The following DGKB variants were observed in gnomAD, a reference collection of about 807,000 sequenced individuals.
The protein encoded by DGKB is diacylglycerol kinase beta, also known as 90 kDa diacylglycerol kinase.
A neutral mutation model predicts 114.3 loss-of-function variants in DGKB; 67 were observed. The ratio of observed to expected loss-of-function variants is 0.59; its 90% CI spans 0.48 to 0.72. The LOEUF (loss-of-function observed/expected upper bound fraction) is 0.72, where lower values mean the gene tolerates loss of function less well. DGKB is among the 30% of genes least tolerant of loss of function. The pLI is 0.00. For synonymous variants in DGKB, 398 were observed against 323.1 expected, an observed-to-expected ratio of 1.23 and a Z score of -2.49; for missense variants, 907 against 975.2, an observed-to-expected ratio of 0.93 and a Z score of 0.93.
At chr7:14,819,944 T>C (rs1844680503) in intron 2 of DGKB, among the ~76,000 whole-genome samples, 1 of 151,462 alleles carries the variant, frequency 6.6e-6, no homozygotes, top group East Asian at 1.9e-4. Context: ...TTCAGAGAGG[T>C]TTTTTAACAG....
In DGKB at chr7:14,275,861, A is replaced by G. The variant is rs1051116836; in HGVS notation, c.2122+62654T>C. 3.3e-5 allele frequency among the ~76,000 whole-genome samples: 5 copies of G among 152,348 alleles called. No homozygotes were observed. In the South Asian group the frequency reaches 1.0e-3, roughly 32 times the overall value. On this transcript the variant is annotated intron_variant, in intron 23 of 25. Coordinates refer to ENST00000402815, the MANE Select transcript of DGKB (RefSeq NM_001350709.2). ...TGGCACAATGCAAATTTTAAATAAC[A>G]GAATAAGCTGTCATTTAGTCCTGAC...
chr7:14,150,508 G>C (rs983648885), intron 25 of DGKB, among the ~76,000 whole-genome samples: 2 of 152,056 alleles, frequency 1.3e-5, no homozygotes, highest in African/African-American at 2.4e-5. Context: ...AACCTTGAAA[G>C]AATGAACAAC....
At chr7:14,913,085 C>T (rs1286640113) in intron 1 of DGKB, among the ~76,000 whole-genome samples, 1 of 152,098 alleles carries the variant, frequency 6.6e-6, no homozygotes, top group African/African-American at 2.4e-5. Flanking sequence ...TTCTTAGCTT[C>T]GCCAGCCTCA....
chr7:14,878,551 C>T (rs532749578), intron 1 of DGKB, among the ~76,000 whole-genome samples: 2 of 152,160 alleles, frequency 1.3e-5, no homozygotes, highest in African/African-American at 2.4e-5. Context: ...GGAGACCATC[C>T]TGGCTAACAT....
intron 1 of DGKB, among the ~76,000 whole-genome samples, chr7:14,894,834 C>T (rs1041358261): frequency 2.0e-5 from 3 of 151,448 alleles, no homozygotes; most frequent in African/African-American, 4.8e-5. Flanking sequence ...GCCAGACACC[C>T]AAAACAACAG....
At position 14,648,878 on chromosome 7, in the gene DGKB, T is replaced by C. The variant is rs1813770554; in HGVS notation, c.1135-18610A>G. Among the ~76,000 whole-genome samples the C allele has an allele frequency of 3.8e-5, 5 of 132,904 alleles. No individual in the cohort carries two copies. In the South Asian group the frequency reaches 1.2e-3, roughly 33 times the overall value. The allele number at this position is 132,904 out of a possible 152,430, so 87.2% of individuals were successfully genotyped here. ...AGCCTCAGGAGCTGATGCGATCAACTGGAAGAAAGGGTATCAGCAATGGAA... is the reference window on the plus strand; with the variant it reads ...AGCCTCAGGAGCTGATGCGATCAACCGGAAGAAAGGGTATCAGCAATGGAA... On this transcript the variant is annotated intron_variant, in intron 13 of 25. Coordinates refer to ENST00000402815, the MANE Select transcript of DGKB (RefSeq NM_001350709.2).
intron 1 of DGKB, among the ~76,000 whole-genome samples, chr7:14,846,334 A>T (rs1279926737): frequency 1.3e-5 from 2 of 152,188 alleles, no homozygotes; most frequent in Admixed American, 6.5e-5. Context: ...TCATCACGTG[A>T]TATGACATGT....
intron 2 of DGKB, among the ~76,000 whole-genome samples, chr7:14,835,328 A>G (rs1433030893): frequency 1.3e-5 from 2 of 152,222 alleles, no homozygotes; most frequent in Non-Finnish European, 2.9e-5. Flanking sequence ...AATCCTAATT[A>G]TAACAGTAAT....
intron 14 of DGKB, among the ~76,000 whole-genome samples, chr7:14,622,675 A>C (rs73059497): frequency 6.6e-6 from 1 of 151,934 alleles, no homozygotes; most frequent in South Asian, 2.1e-4. Context: ...GGATTATTGT[A>C]ACTATCACCT....
intron 20 of DGKB, among the ~76,000 whole-genome samples, chr7:14,552,666 C>T (rs760085167): frequency 2.6e-5 from 4 of 152,084 alleles, no homozygotes; most frequent in Non-Finnish European, 4.4e-5. Flanking sequence ...AATTGTTTTC[C>T]GGGGCAGCTA....
intron 25 of DGKB, among the ~76,000 whole-genome samples, chr7:14,164,016 A>C (rs9770018): frequency 0.39 from 58,803 of 149,942 alleles, 12,134 homozygotes; most frequent in South Asian, 0.51. Context: ...AACAAACAAA[A>C]AAAAAAACAA....
intron 17 of DGKB, among the ~76,000 whole-genome samples, chr7:14,605,367 T>TAC (rs1491111734): frequency 3.2e-5 from 2 of 62,422 alleles, no homozygotes; most frequent in Non-Finnish European, 3.3e-5. Flanking sequence ...ATATATATAC[T>TAC]ATATATATAT....
chr7:14,593,740 C>A (rs988793327), intron 17 of DGKB, among the ~76,000 whole-genome samples: 6 of 151,584 alleles, frequency 4.0e-5, no homozygotes, highest in African/African-American at 1.5e-4. Context: ...GCACTAGGCC[C>A]CAACAGACCA....
chr7:14,500,427 A>G (rs1785976166), intron 20 of DGKB, among the ~76,000 whole-genome samples: 1 of 151,408 alleles, frequency 6.6e-6, no homozygotes, highest in Non-Finnish European at 1.5e-5. Flanking sequence ...TTAGTACTGG[A>G]GTAAGGGTTT....
At chr7:14,706,523 GCACCA>G (rs1008948373) in intron 6 of DGKB, among the ~76,000 whole-genome samples, 2 of 146,104 alleles carry the variant, frequency 1.4e-5, no homozygotes, top group African/African-American at 2.6e-5. Flanking sequence ...ATTTTTTTCA[GCACCA>G]CACCACACCT....
At chr7:14,165,101 C>T (rs1275328980) in intron 25 of DGKB, among the ~76,000 whole-genome samples, 1 of 152,034 alleles carries the variant, frequency 6.6e-6, no homozygotes, top group Non-Finnish European at 1.5e-5. Flanking sequence ...GCAGTTTTTC[C>T]CCTCCTTCCT....
intron 3 of DGKB, 46 bp downstream of exon 3, chr7:14,757,609 T>G: frequency 9.0e-7 from 1 of 1,111,800 alleles, no homozygotes; most frequent in South Asian, 1.3e-5. Flanking sequence ...AAATACCCTC[T>G]TCCAAGCATA....
At chr7:14,476,758 T>A (rs1782232118) in intron 21 of DGKB, among the ~76,000 whole-genome samples, 1 of 147,694 alleles carries the variant, frequency 6.8e-6, no homozygotes, top group East Asian at 2.0e-4. Flanking sequence ...TAAAAACATT[T>A]TTTTTTTTTT....
Position 14,793,965 on chromosome 7 carries a change from G to C in DGKB, c.71-36234C>G, listed in dbSNP as rs534906859. Among the ~76,000 whole-genome samples the C allele has an allele frequency of 5.3e-5, 8 of 152,158 alleles. No individual in the cohort carries two copies. The South Asian group carries it at 1.7e-3, about 32-fold the overall frequency. ...CTTTTTGCTTCCTGCCTGCCTGACT[G>C]AGCTCATCTTATTTTCTCCAGCCCT... On this transcript the variant is annotated intron_variant, in intron 2 of 25. Coordinates refer to ENST00000402815, the MANE Select transcript of DGKB (RefSeq NM_001350709.2).
Sources: allele counts gnomAD v4.1 joint callset (sites outside exome capture counted in the v4.1 genomes callset), GRCh38; gene constraint gnomAD v4.1.1; transcripts MANE v1.5; gene names NCBI Gene and HGNC (gene_info 2026-07-23, HGNC 2026-07-21).